Variants in ERC1 observed in about 807,000 individuals in gnomAD.
ERC1 encodes ELKS/RAB6-interacting/CAST family member 1, also known as RAB6 interacting protein 2.
ERC1 carries 56 observed loss-of-function variants against 132.0 expected under a neutral mutation model. The ratio of observed to expected loss-of-function variants is 0.42; its 90% CI spans 0.34 to 0.53. The LOEUF (loss-of-function observed/expected upper bound fraction) is 0.53. Among genes scored for constraint, ERC1 ranks in the 20% least tolerant of loss-of-function variants. ERC1 has a pLI of 0.03. For missense variants in ERC1, 1,202 were observed against 1,349.9 expected, an observed-to-expected ratio of 0.89 and a Z score of 1.72; for synonymous variants, 478 against 476.1, an observed-to-expected ratio of 1.00 and a Z score of -0.05.
chr12:1,063,064 T>A (rs11612622), intron 2 of ERC1, among the ~76,000 whole-genome samples: 7,569 of 152,166 alleles, frequency 0.05, 269 homozygotes, highest in African/African-American at 0.095. Flanking sequence ...TTCCATTCCT[T>A]CATTTTCTTT....
At position 1,400,931 on chromosome 12, in the gene ERC1, T is replaced by A. The variant is rs1279410816; in HGVS notation, c.2926-7218T>A. 4.9e-4 allele frequency among the ~76,000 whole-genome samples: 48 copies of A among 97,342 alleles called. 2 individuals carry two copies. The highest frequency in any genetic ancestry group is 1.8e-3 in the African/African-American group (44 of 24,888). 63.9% of individuals were successfully genotyped at this position (97,342 alleles called of 152,430 possible). A position where few individuals can be genotyped will look rare whatever the true frequency, so the allele number is the denominator to read the frequency against. On this transcript the variant is annotated intron_variant, in intron 16 of 18. Transcript: ENST00000360905. ...CTATTTTTGTATTTTTTTTTTTTTTTTTTTTTTTTTTTTTTTTTTTTTGTG... is the reference window on the plus strand; with the variant it reads ...CTATTTTTGTATTTTTTTTTTTTTTATTTTTTTTTTTTTTTTTTTTTTGTG...
rs750965800 is a variant in ERC1, at chr12:1,028,178, G to A, written c.275G>A (p.Gly92Asp). Residue 92 changes from glycine to aspartate, a missense_variant, in exon 2 of 19, where the codon GGC becomes GAC. Gly to Asp is a moderately conservative substitution (Grantham distance 94). Coordinates refer to ENST00000360905, the MANE Select transcript of ERC1 (RefSeq NM_178040.4). The part of the protein sequence containing the change: ...SETPKSTMTL[G>D]RSGGRLPYGV... ...ACACCTAAAAGCACCATGACACTTG[G>A]CCGTTCTGGGGGACGTCTGCCTTAC... The A allele has an allele frequency of 6.2e-7, 1 of 1,614,196 alleles. No homozygotes were observed. The highest frequency in any genetic ancestry group is 1.7e-5 in the Admixed American group (1 of 60,020).
chr12:1,170,226 A>G (rs554064097), intron 8 of ERC1, among the ~76,000 whole-genome samples: 1 of 152,310 alleles, frequency 6.6e-6, no homozygotes. Flanking sequence ...ATGAATTGTA[A>G]TGGTATAATA....
chr12:1,354,377 G>A (rs527629300), intron 15 of ERC1, among the ~76,000 whole-genome samples: 32 of 152,176 alleles, frequency 2.1e-4, no homozygotes, highest in South Asian at 1.2e-3. Flanking sequence ...AGAAAAACCA[G>A]CTGGGCATGG....
chr12:1,119,788 G>A (rs1047694596), intron 7 of ERC1, among the ~76,000 whole-genome samples: 9 of 151,854 alleles, frequency 5.9e-5, no homozygotes, highest in African/African-American at 1.9e-4. Flanking sequence ...GACCTCAGGT[G>A]ATCTGTCCTC....
intron 2 of ERC1, among the ~76,000 whole-genome samples, chr12:1,049,341 A>C (rs1971550035): frequency 6.6e-6 from 1 of 152,216 alleles, no homozygotes; most frequent in Non-Finnish European, 1.5e-5. Context: ...CAACATCTCT[A>C]GCTGAACCCA....
chr12:1,380,226 C>T (rs11061733), intron 16 of ERC1: 61,705 of 152,034 alleles, frequency 0.41, 13,764 homozygotes, highest in African/African-American at 0.59. Flanking sequence ...CACTCCTCTG[C>T]CTTCTTCATC....
At chr12:1,410,068 G>C (rs892476891) in intron 17 of ERC1, among the ~76,000 whole-genome samples, 1 of 152,044 alleles carries the variant, frequency 6.6e-6, no homozygotes, top group East Asian at 1.9e-4. Context: ...TGTAAATACT[G>C]TGTAAATAGT....
chr12:1,462,495 A>C (rs1737848585), intron 18 of ERC1, among the ~76,000 whole-genome samples: 2 of 152,234 alleles, frequency 1.3e-5, no homozygotes, highest in African/African-American at 2.4e-5. Flanking sequence ...ACTACTCAGC[A>C]ATAGAAAAGA....
chr12:1,065,480 TTG>T (rs71293132), intron 2 of ERC1, among the ~76,000 whole-genome samples: 7,516 of 124,940 alleles, frequency 0.06, 420 homozygotes, highest in African/African-American at 0.16. Flanking sequence ...TTTGTACCGT[TTG>T]TGTGTGTGTG....
intron 15 of ERC1, among the ~76,000 whole-genome samples, chr12:1,334,260 G>C (rs1275369255): frequency 1.3e-5 from 2 of 152,074 alleles, no homozygotes; most frequent in Non-Finnish European, 2.9e-5. Flanking sequence ...ATCAATTTTT[G>C]CTTTTGTTGC....
At chr12:1,124,453 GCT>G (rs1300080756) in intron 7 of ERC1, among the ~76,000 whole-genome samples, 1 of 152,082 alleles carries the variant, frequency 6.6e-6, no homozygotes, top group Non-Finnish European at 1.5e-5. Flanking sequence ...GGCAGTGAAA[GCT>G]CTCTATATAA....
intron 15 of ERC1, among the ~76,000 whole-genome samples, chr12:1,348,218 G>T (rs1182265096): frequency 1.3e-5 from 2 of 152,164 alleles, no homozygotes. Context: ...CAAAATACGG[G>T]TATAAGAAGT....
chr12:1,110,169 A>G, intron 4 of ERC1, 23 bp from the exon 5 acceptor site: 1 of 1,568,162 alleles, frequency 6.4e-7, no homozygotes, highest in Non-Finnish European at 8.6e-7. Context: ...TACTTCAATC[A>G]CTAAATCTTC....
intron 17 of ERC1, 39 bp downstream of exon 17, chr12:1,408,286 C>A (rs1339796096): frequency 2.7e-6 from 4 of 1,471,590 alleles, no homozygotes; most frequent in Admixed American, 1.8e-5. Flanking sequence ...AAAACCCACA[C>A]ACTTAAATTT....
chr12:1,440,601 TG>T (rs1565445200), intron 17 of ERC1, among the ~76,000 whole-genome samples: 6,444 of 12,284 alleles, frequency 0.52, 839 homozygotes, highest in African/African-American at 0.59. Flanking sequence ...CTCAGCCTTT[TG>T]TGTGTGTGTG....
intron 18 of ERC1, among the ~76,000 whole-genome samples, chr12:1,452,317 T>C (rs1333024200): frequency 6.6e-6 from 1 of 152,188 alleles, no homozygotes; most frequent in African/African-American, 2.4e-5. Context: ...GGTTGGTTGG[T>C]TGGTTGATAT....
At chr12:1,093,957 CTA>C (rs202076174) in intron 3 of ERC1, among the ~76,000 whole-genome samples, 2,304 of 68,866 alleles carry the variant, frequency 0.033, 121 homozygotes, top group African/African-American at 0.089. Flanking sequence ...ATATATTTTT[CTA>C]TATATATATA....
intron 4 of ERC1, among the ~76,000 whole-genome samples, chr12:1,108,290 G>C (rs1945476488): frequency 6.6e-6 from 1 of 152,154 alleles, no homozygotes; most frequent in South Asian, 2.1e-4. Context: ...TAGGGTAGGG[G>C]AGAAGTTAGA....
Sources: allele counts gnomAD v4.1 joint callset (sites outside exome capture counted in the v4.1 genomes callset), GRCh38; gene constraint gnomAD v4.1.1; transcripts MANE v1.5; gene names NCBI Gene and HGNC (gene_info 2026-07-23, HGNC 2026-07-21).